The following CHODL variants were observed in gnomAD, a reference collection of about 807,000 sequenced individuals.
The protein encoded by CHODL is chondrolectin.
In CHODL, 29 loss-of-function variants were observed where a neutral mutation model predicts 34.5. That is an observed-to-expected ratio of 0.84 (90% CI 0.63 to 1.15). CHODL has a LOEUF of 1.15. Ranked by LOEUF, CHODL falls within the 50% of genes most tolerant of loss-of-function variation. The pLI is 0.00. For missense variants in CHODL, 332 were observed against 332.5 expected, an observed-to-expected ratio of 1.00 and a Z score of 0.01; for synonymous variants, 125 against 116.1, an observed-to-expected ratio of 1.08 and a Z score of -0.49.
At chr21:18,247,313 C>T (rs2406170) in intron 1 of CHODL, among the ~76,000 whole-genome samples, 1 of 152,040 alleles carries the variant, frequency 6.6e-6, no homozygotes, top group Non-Finnish European at 1.5e-5. Context: ...TAGGAACATA[C>T]TTGCAACGTA....
chr21:18,201,657 T>C (rs1322043337), intron 2 of CHODL, among the ~76,000 whole-genome samples: 1 of 152,176 alleles, frequency 6.6e-6, no homozygotes, highest in Non-Finnish European at 1.5e-5. Flanking sequence ...ACTTAATCTG[T>C]AATCTAAAAG....
At chr21:18,025,465 T>G (rs2064165598) in intron 1 of CHODL, among the ~76,000 whole-genome samples, 1 of 152,188 alleles carries the variant, frequency 6.6e-6, no homozygotes, top group Non-Finnish European at 1.5e-5. Flanking sequence ...TTTATAGAAA[T>G]GGCAGGTATC....
chr21:17,947,639 C>T (rs417490), intron 1 of CHODL, among the ~76,000 whole-genome samples: 64,217 of 151,628 alleles, frequency 0.42, 13,947 homozygotes, highest in East Asian at 0.64. Flanking sequence ...CCAAAAAGCA[C>T]ATGAAAAATA....
At chr21:18,251,732 T>TTTATTTATTTTA (rs1568958113) in intron 1 of CHODL, among the ~76,000 whole-genome samples, 1 of 103,604 alleles carries the variant, frequency 9.7e-6, no homozygotes, top group African/African-American at 4.5e-5. Flanking sequence ...TAAATATTTA[T>TTTATTTATTTTA]TTTATTTATT....
rs1262981992 is a variant in CHODL at position 18,249,103 on chromosome 21, AATAAT to A, written c.79+3805_79+3809del. ...TATATATAATAAAATATATATATAT[AATAAT>A]ATATATATAATAAAATACATATATA... On this transcript the variant is annotated intron_variant, in intron 1 of 5. Coordinates refer to ENST00000299295, the MANE Select transcript of CHODL (RefSeq NM_024944.3). 3.0e-3 allele frequency among the ~76,000 whole-genome samples: 379 copies of A among 127,774 alleles called. 3 individuals are homozygous for A. Among genetic ancestry groups the A allele is most frequent in the African/African-American group, 0.011 (365 of 32,712 alleles). 83.8% of individuals were successfully genotyped at this position (127,774 alleles called of 152,430 possible).
intron 2 of CHODL, among the ~76,000 whole-genome samples, chr21:18,169,050 A>G (rs1332269344): frequency 6.6e-6 from 1 of 151,986 alleles, no homozygotes; most frequent in African/African-American, 2.4e-5. Flanking sequence ...TAAGTTGGGA[A>G]GTGTTTCCTC....
At chr21:18,072,639 A>G (rs1438931168) in intron 2 of CHODL, among the ~76,000 whole-genome samples, 2 of 152,120 alleles carry the variant, frequency 1.3e-5, no homozygotes, top group South Asian at 2.1e-4. Context: ...TTCTGCAAGT[A>G]TTAAGAGAAA....
chr21:18,255,985 C>T (rs377000936), intron 1 of CHODL, among the ~76,000 whole-genome samples: 2 of 152,168 alleles, frequency 1.3e-5, no homozygotes, highest in East Asian at 1.9e-4. Context: ...ATTCTGTCCC[C>T]TTTTAACTTT....
intron 1 of CHODL, among the ~76,000 whole-genome samples, chr21:18,023,430 G>A (rs556878054): frequency 6.6e-6 from 1 of 152,250 alleles, no homozygotes; most frequent in South Asian, 2.1e-4. Flanking sequence ...TAGCAGGCAG[G>A]GGTGGGAAAA....
At chr21:18,192,605 A>G (rs2146693725) in intron 2 of CHODL, among the ~76,000 whole-genome samples, 1 of 152,338 alleles carries the variant, frequency 6.6e-6, no homozygotes, top group East Asian at 1.9e-4. Flanking sequence ...TAACTTGGAC[A>G]TATCATTTTG....
chr21:18,029,580 CT>C (rs2064223524), intron 2 of CHODL, among the ~76,000 whole-genome samples: 1 of 152,050 alleles, frequency 6.6e-6, no homozygotes. Context: ...GATATTTTAT[CT>C]ATCTATAAAT....
At chr21:18,136,105 C>CAAAAA (rs67552520) in intron 2 of CHODL, among the ~76,000 whole-genome samples, 42 of 89,374 alleles carry the variant, frequency 4.7e-4, no homozygotes, top group African/African-American at 1.2e-3. Context: ...GATTATGTCT[C>CAAAAA]AAAAAAAAAA....
At chr21:18,046,603 T>C (rs2064446862) in intron 2 of CHODL, among the ~76,000 whole-genome samples, 1 of 151,924 alleles carries the variant, frequency 6.6e-6, no homozygotes, top group Non-Finnish European at 1.5e-5. Context: ...CCACTGTTGA[T>C]AGTGGAAATC....
At chr21:18,241,175 C>T (rs987275543), upstream of CHODL, among the ~76,000 whole-genome samples, 6 of 151,622 alleles carry the variant, frequency 4.0e-5, no homozygotes, top group Admixed American at 1.3e-4. Context: ...AAGGTGTCAT[C>T]TCTAAAATAT....
chr21:17,941,081 G>T (rs879819975), intron 1 of CHODL, among the ~76,000 whole-genome samples: 2 of 152,094 alleles, frequency 1.3e-5, no homozygotes, highest in African/African-American at 2.4e-5. Context: ...TGAATTGCTT[G>T]CCATCTCTTA....
At chr21:18,131,620 A>C (rs2072655867) in intron 2 of CHODL, among the ~76,000 whole-genome samples, 2 of 152,060 alleles carry the variant, frequency 1.3e-5, no homozygotes, top group African/African-American at 4.8e-5. Context: ...TTTAAAACTT[A>C]TTTTGGACAC....
At chr21:18,079,274 C>T (rs2146510735) in intron 2 of CHODL, among the ~76,000 whole-genome samples, 1 of 151,698 alleles carries the variant, frequency 6.6e-6, no homozygotes, top group South Asian at 2.1e-4. Flanking sequence ...CTTCTAGTTC[C>T]AACTTTGTTG....
intron 2 of CHODL, among the ~76,000 whole-genome samples, chr21:18,070,027 C>CCTTCCCT (rs1380432271): frequency 0.027 from 1,878 of 68,480 alleles, 51 homozygotes; most frequent in Non-Finnish European, 0.044. Context: ...CCCTTCCCTC[C>CCTTCCCT]CCCCCCCCAC....
chr21:18,253,330 G>A (rs2074280019), intron 1 of CHODL, among the ~76,000 whole-genome samples: 1 of 151,342 alleles, frequency 6.6e-6, no homozygotes, highest in Admixed American at 6.6e-5. Context: ...TTTTTAATAT[G>A]ACATTTTTTG....
Sources: gnomAD v4.1 joint callset for allele counts (sites outside exome capture counted in the v4.1 genomes callset) on GRCh38, gnomAD v4.1.1 for gene constraint, MANE v1.5 for transcripts, NCBI Gene and HGNC (gene_info 2026-07-23, HGNC 2026-07-21) for gene names.